EHMT1: variants seen among roughly 807,000 people sequenced by gnomAD.
The protein encoded by EHMT1 is euchromatic histone lysine methyltransferase 1, also known as histone-lysine N-methyltransferase EHMT1.
A neutral mutation model predicts 147.2 loss-of-function variants in EHMT1; 15 were observed. The ratio of observed to expected loss-of-function variants is 0.10; its 90% confidence interval spans 0.07 to 0.16. The LOEUF is 0.16. EHMT1 is among the 10% of genes least tolerant of loss of function. EHMT1 has a pLI of 1.00. For synonymous variants in EHMT1, 795 were observed against 709.6 expected, an observed-to-expected ratio of 1.12 and a Z score of -1.91; for missense variants, 1,587 against 1,772.4, an observed-to-expected ratio of 0.90 and a Z score of 1.88.
intron 3 of EHMT1, among the ~76,000 whole-genome samples, chr9:137,718,096 C>G (rs1945534095): frequency 7.0e-6 from 1 of 142,932 alleles, no homozygotes; most frequent in East Asian, 1.9e-4. Flanking sequence ...CAGGGCGCGC[C>G]CGCCCCTCAC....
chr9:137,627,576 C>T (rs920237691), intron 1 of EHMT1, among the ~76,000 whole-genome samples: 1 of 145,242 alleles, frequency 6.9e-6, no homozygotes, highest in African/African-American at 2.8e-5. Context: ...TTGCCCACCT[C>T]AGCCTCCCAA....
intron 25 of EHMT1, 98 bp downstream of exon 25, chr9:137,818,236 T>TAA: frequency 1.5e-6 from 2 of 1,332,416 alleles, no homozygotes; most frequent in South Asian, 1.2e-5. Context: ...AGAGAGCTCT[T>TAA]ACTGTTGACA....
At chr9:137,641,629 T>G (rs1844492507) in intron 1 of EHMT1, 1 of 246,726 alleles carries the variant, frequency 4.1e-6, no homozygotes, top group Non-Finnish European at 7.9e-6. Context: ...TTCTGAAGCC[T>G]GTTTTGTGCT....
intron 8 of EHMT1, 103 bp from the exon 9 acceptor site, chr9:137,757,777 A>T: frequency 6.5e-7 from 1 of 1,547,580 alleles, no homozygotes; most frequent in Non-Finnish European, 8.8e-7. Context: ...GATTAATTAG[A>T]AGTAGTCCAT....
intron 1 of EHMT1, among the ~76,000 whole-genome samples, chr9:137,671,337 T>C (rs1250561897): frequency 6.6e-6 from 1 of 152,140 alleles, no homozygotes; most frequent in Non-Finnish European, 1.5e-5. Context: ...AGAGCATGTA[T>C]TAGCTTTACA....
rs1953287119 is a variant in EHMT1 at position 137,799,728 on chromosome 9, A to T, written c.2607+814A>T. On this transcript the variant is annotated intron_variant, in intron 17 of 26. Coordinates refer to ENST00000460843, the MANE Select transcript of EHMT1 (RefSeq NM_024757.5). ...CCAGTGGTTGCCCACCCAGTTGTTG[A>T]CGCCCAGCTTCTGTGCCCTCTTGGC... Among the ~76,000 whole-genome samples the T allele has an allele frequency of 2.0e-5, 3 of 152,184 alleles. No individual in the cohort carries two copies. In the East Asian group the frequency reaches 5.8e-4, roughly 29 times the overall value.
chr9:137,777,927 A>G lies in EHMT1; in HGVS notation c.2064A>G (p.Ala688=). ...PLSEDDKLQG[A]ASHVPEGFDP... The stretch of plus-strand genomic sequence containing the variant: ...CGGAGGACGACAAGCTGCAGGGTGC[A>G]GCCTCCCACGTGCCCGAGGGCTTTG... Residue 688 remains alanine, a synonymous_variant, in exon 13 of 27, where the codon GCA becomes GCG. Transcript: ENST00000460843. 1.2e-6 allele frequency: 2 copies of G among 1,613,784 alleles called. No homozygotes were observed. Among genetic ancestry groups the G allele is most frequent in the South Asian group, 1.1e-5 (1 of 91,044 alleles).
intron 25 of EHMT1, chr9:137,823,507 A>T (rs1389959218): frequency 7.0e-6 from 2 of 284,810 alleles, no homozygotes; most frequent in Non-Finnish European, 1.4e-5. Context: ...CGCCTCCCGG[A>T]TTCACGCCAT....
chr9:137,833,903 G>A (rs1225329818), intron 25 of EHMT1, among the ~76,000 whole-genome samples: 4 of 152,244 alleles, frequency 2.6e-5, no homozygotes, highest in African/African-American at 9.6e-5. Flanking sequence ...TCGTCACCAA[G>A]ACAGTGTGTC....
At chr9:137,706,949 C>T (rs986831538) in intron 1 of EHMT1, among the ~76,000 whole-genome samples, 7 of 150,254 alleles carry the variant, frequency 4.7e-5, no homozygotes, top group East Asian at 4.0e-4. Context: ...CTCAGCCTCC[C>T]GAGTAGCTGG....
chr9:137,805,265 GGTCAGTCATCTGCATGTATGA>G (rs1445728449), intron 18 of EHMT1, among the ~76,000 whole-genome samples: 6 of 151,550 alleles, frequency 4.0e-5, no homozygotes, highest in East Asian at 1.9e-4. Flanking sequence ...TACATGTAAG[GGTCAGTCATCTGCATGTATGA>G]GTCAGTCATC....
At chr9:137,736,774 C>G (rs1564662786) in intron 4 of EHMT1, among the ~76,000 whole-genome samples, 1 of 152,098 alleles carries the variant, frequency 6.6e-6, no homozygotes, top group South Asian at 2.1e-4. Context: ...CCCTGTAATC[C>G]CAGATACTTG....
intron 16 of EHMT1, among the ~76,000 whole-genome samples, chr9:137,796,925 G>A (rs756547252): frequency 5.3e-5 from 8 of 152,146 alleles, no homozygotes; most frequent in African/African-American, 9.7e-5. Flanking sequence ...CTGGTGGGGC[G>A]CGGGGACTGC....
Position 137,775,002 on chromosome 9 carries a change from A to C in EHMT1, c.1648-107A>C. 6.5e-7 allele frequency: 1 copy of C among 1,538,214 alleles called. No homozygotes were observed. The highest frequency in any genetic ancestry group is 9.0e-7 in the Non-Finnish European group (1 of 1,116,020). The stretch of plus-strand genomic sequence containing the variant: ...TTGCAGGGCTCGGCTCAGTCAGCCC[A>C]CACCTGCTGAGCAGCTCTTGTGTGC... On this transcript the variant is annotated intron_variant, in intron 10 of 26. Coordinates refer to ENST00000460843, the MANE Select transcript of EHMT1 (RefSeq NM_024757.5). The surrounding 1 kb of genome is among the most constrained non-coding windows in gnomAD (Gnocchi z 6.1).
chr9:137,637,021 C>T (rs1403696013), intron 1 of EHMT1, among the ~76,000 whole-genome samples: 14 of 151,670 alleles, frequency 9.2e-5, no homozygotes, highest in Admixed American at 5.3e-4. Context: ...CCTCAGCCTC[C>T]TGAGTGGCTG....
At chr9:137,822,761 C>CGG (rs1955516886) in intron 25 of EHMT1, among the ~76,000 whole-genome samples, 1 of 151,876 alleles carries the variant, frequency 6.6e-6, no homozygotes, top group Admixed American at 6.6e-5. Context: ...GGTGTGGTGG[C>CGG]GCATGCCTGT....
chr9:137,779,846 T>C, intron 14 of EHMT1, 129 bp downstream of exon 14: 1 of 1,007,228 alleles, frequency 9.9e-7, no homozygotes, highest in South Asian at 1.4e-5. Flanking sequence ...GTCTCCGAGT[T>C]CTCTGATGAG....
chr9:137,755,105 G>A (rs1949278695), intron 8 of EHMT1, among the ~76,000 whole-genome samples: 1 of 151,922 alleles, frequency 6.6e-6, no homozygotes, highest in Non-Finnish European at 1.5e-5. Context: ...CCAATAAAAT[G>A]CACAGAAATA....
chr9:137,752,022 C>T (rs1949007330), intron 6 of EHMT1, among the ~76,000 whole-genome samples: 1 of 152,324 alleles, frequency 6.6e-6, no homozygotes, highest in East Asian at 1.9e-4. Flanking sequence ...GATACAGCAC[C>T]CAGCGGGTGA....
Sources: allele counts gnomAD v4.1 joint callset (sites outside exome capture counted in the v4.1 genomes callset), GRCh38; gene constraint gnomAD v4.1.1; non-coding constraint Gnocchi (gnomAD v3.1); transcripts MANE v1.5; gene names NCBI Gene and HGNC (gene_info 2026-07-23, HGNC 2026-07-21).